PPP2R2B: variants seen among roughly 807,000 people sequenced by gnomAD.
PPP2R2B encodes the protein serine/threonine-protein phosphatase 2A 55 kDa regulatory subunit B beta isoform.
Under a neutral mutation model 46.0 loss-of-function variants are expected in PPP2R2B, and 5 were observed. That is an observed-to-expected ratio of 0.11 (90% CI 0.06 to 0.23). The LOEUF is 0.23. Ranked by LOEUF, PPP2R2B falls within the 10% of genes least tolerant of loss-of-function variation. PPP2R2B has a pLI of 1.00. For missense variants in PPP2R2B, 367 were observed against 575.0 expected (o/e 0.64, Z 3.70); for synonymous variants, 215 against 206.7 (o/e 1.04, Z -0.34).
At chr5:146,676,896 C>G (rs944370212) in intron 5 of PPP2R2B, among the ~76,000 whole-genome samples, 1 of 152,144 alleles carries the variant, frequency 6.6e-6, no homozygotes, top group Non-Finnish European at 1.5e-5. Flanking sequence ...AGTAGTGCAA[C>G]GGCATATCTA....
At chr5:146,806,337 C>A (rs544488238) in intron 2 of PPP2R2B, among the ~76,000 whole-genome samples, 1 of 152,282 alleles carries the variant, frequency 6.6e-6, no homozygotes, top group South Asian at 2.1e-4. Context: ...TGCTTCATTT[C>A]CACCTTTCCT....
At chr5:146,590,355 C>A in intron 9 of PPP2R2B, 129 bp from the exon 10 acceptor site, 2 of 808,654 alleles carry the variant, frequency 2.5e-6, no homozygotes, top group Non-Finnish European at 1.8e-6. Context: ...AAAATGAGAA[C>A]AGGCTCTGCA....
chr5:146,838,136 G>T (rs1248509907), intron 2 of PPP2R2B, among the ~76,000 whole-genome samples: 1 of 152,158 alleles, frequency 6.6e-6, no homozygotes, highest in Non-Finnish European at 1.5e-5. Flanking sequence ...GTTATCTACA[G>T]CTTGGTAGAC....
intron 1 of PPP2R2B, among the ~76,000 whole-genome samples, chr5:146,888,349 T>G (rs1041533342): frequency 6.6e-6 from 1 of 152,054 alleles, no homozygotes; most frequent in African/African-American, 2.4e-5. Flanking sequence ...CATTCCACTC[T>G]CTCATTCCCA....
intron 6 of PPP2R2B, among the ~76,000 whole-genome samples, chr5:146,638,814 A>G (rs1774997443): frequency 6.6e-6 from 1 of 152,214 alleles, no homozygotes; most frequent in Admixed American, 6.5e-5. Context: ...AATTCATTTT[A>G]TCTGATTCCT....
At chr5:146,689,072 T>C (rs144332623) in intron 5 of PPP2R2B, among the ~76,000 whole-genome samples, 1 of 152,262 alleles carries the variant, frequency 6.6e-6, no homozygotes, top group African/African-American at 2.4e-5. Context: ...AATTGTCTCA[T>C]ATATATAGGC....
chr5:146,711,421 C>T (rs144224696), intron 2 of PPP2R2B, among the ~76,000 whole-genome samples: 2 of 152,184 alleles, frequency 1.3e-5, no homozygotes, highest in East Asian at 3.9e-4. Context: ...AGATGTGAAG[C>T]AAGAAAAAGT....
intron 8 of PPP2R2B, among the ~76,000 whole-genome samples, chr5:146,595,627 A>T (rs1032234041): frequency 1.3e-5 from 2 of 152,242 alleles, no homozygotes; most frequent in African/African-American, 4.8e-5. Flanking sequence ...GACAGCATTT[A>T]AAGAAAAAGA....
intron 2 of PPP2R2B, among the ~76,000 whole-genome samples, chr5:146,875,203 T>C (rs1221974008): frequency 6.6e-6 from 1 of 152,164 alleles, no homozygotes; most frequent in Non-Finnish European, 1.5e-5. Flanking sequence ...TTAACAGGGT[T>C]TAGATATATT....
intron 5 of PPP2R2B, among the ~76,000 whole-genome samples, chr5:146,671,950 C>T (rs942616986): frequency 3.3e-5 from 5 of 152,054 alleles, no homozygotes; most frequent in South Asian, 2.1e-4. Context: ...TTAAGTTAAA[C>T]GATAAGCAAA....
chr5:146,977,267 A>T (rs1752953941), intron 1 of PPP2R2B, among the ~76,000 whole-genome samples: 1 of 151,892 alleles, frequency 6.6e-6, no homozygotes, highest in South Asian at 2.1e-4. Context: ...TTGTTCTGTC[A>T]CCCCAAGCTG....
chr5:146,658,633 TCTC>T (rs1397081690), intron 5 of PPP2R2B, among the ~76,000 whole-genome samples: 1 of 152,178 alleles, frequency 6.6e-6, no homozygotes, highest in Non-Finnish European at 1.5e-5. Flanking sequence ...ACTTCCATGT[TCTC>T]CTTCCTAAAA....
chr5:146,722,716 T>G (rs1751604816), intron 2 of PPP2R2B, among the ~76,000 whole-genome samples: 1 of 152,178 alleles, frequency 6.6e-6, no homozygotes, highest in Non-Finnish European at 1.5e-5. Flanking sequence ...ATGCTGAACA[T>G]CTGAAATTTT....
chr5:147,024,515 T>C (rs1489205954), intron 1 of PPP2R2B, among the ~76,000 whole-genome samples: 1 of 152,022 alleles, frequency 6.6e-6, no homozygotes, highest in East Asian at 1.9e-4. Flanking sequence ...CCTAAAAAAA[T>C]ACACATTTTT....
At chr5:146,861,713 G>A (rs1561967498) in intron 2 of PPP2R2B, among the ~76,000 whole-genome samples, 1 of 152,032 alleles carries the variant, frequency 6.6e-6, no homozygotes, top group Non-Finnish European at 1.5e-5. Context: ...TCATCAGCCT[G>A]AGTTATCAAT....
Position 146,794,362 on chromosome 5 carries a change from T to C in PPP2R2B, c.70+83640A>G, listed in dbSNP as rs1432890. On this transcript the variant is annotated intron_variant, in intron 2 of 9. Coordinates refer to ENST00000394411, the MANE Select transcript of PPP2R2B (RefSeq NM_181675.4). ...GTTTGCACTAATTACTCATTAAAAGTGTGTGAGAAATTTACATCTTTCATT... is the reference window on the plus strand; with the variant it reads ...GTTTGCACTAATTACTCATTAAAAGCGTGTGAGAAATTTACATCTTTCATT... Among the ~76,000 whole-genome samples, 1,200 of 152,336 alleles carry C rather than the reference T, an allele frequency of 7.9e-3. 7 individuals carry two copies. The highest frequency in any genetic ancestry group is 0.013 in the Non-Finnish European group (864 of 68,024).
chr5:146,735,790 C>A (rs932260307), intron 2 of PPP2R2B, among the ~76,000 whole-genome samples: 2 of 152,144 alleles, frequency 1.3e-5, no homozygotes, highest in Non-Finnish European at 2.9e-5. Context: ...GATATAGCAG[C>A]AGGATCCTAC....
At chr5:146,653,408 G>A (rs1029849022) in intron 5 of PPP2R2B, among the ~76,000 whole-genome samples, 2 of 152,148 alleles carry the variant, frequency 1.3e-5, no homozygotes, top group Non-Finnish European at 2.9e-5. Context: ...TATTTGAACA[G>A]GGCATCTATT....
At chr5:146,788,423 T>C (rs543476030) in intron 2 of PPP2R2B, among the ~76,000 whole-genome samples, 7 of 151,814 alleles carry the variant, frequency 4.6e-5, no homozygotes, top group South Asian at 4.2e-4. Flanking sequence ...ATTAAGTAAT[T>C]TGGAAAATTA....
Sources: gnomAD v4.1 joint callset for allele counts (sites outside exome capture counted in the v4.1 genomes callset) on GRCh38, gnomAD v4.1.1 for gene constraint, MANE v1.5 for transcripts, NCBI Gene and HGNC (gene_info 2026-07-23, HGNC 2026-07-21) for gene names.